The following NEDD4L variants were observed in gnomAD, a reference collection of about 807,000 sequenced individuals.
The protein encoded by NEDD4L is E3 ubiquitin-protein ligase NEDD4-like.
In NEDD4L, 54 loss-of-function variants were observed where a neutral mutation model predicts 148.9. The ratio of observed to expected loss-of-function variants is 0.36; its 90% CI spans 0.29 to 0.45. The LOEUF is 0.45. NEDD4L is among the 20% of genes least tolerant of loss of function. The pLI, the probability that NEDD4L is intolerant of heterozygous loss-of-function variation, is 1.00. For synonymous variants in NEDD4L, 433 were observed against 440.7 expected (o/e 0.98, Z 0.22); for missense variants, 856 against 1,233.8 (o/e 0.69, Z 4.59).
chr18:58,188,011 A>C (rs924083676), intron 2 of NEDD4L, among the ~76,000 whole-genome samples: 1 of 152,112 alleles, frequency 6.6e-6, no homozygotes, highest in Admixed American at 6.5e-5. Flanking sequence ...CATGGTAGGG[A>C]TGTGAGATGT....
rs74594783 is a variant in NEDD4L, at chr18:58,251,959, G to A, written c.244-42G>A. On this transcript the variant is annotated intron_variant, in intron 4 of 30. Coordinates refer to ENST00000400345, the MANE Select transcript of NEDD4L (RefSeq NM_001144967.3). ...CTGTTCCTTACGTCGCTGTTCAAAT[G>A]ATTCCTGCTCGTTTAAAAAATACTA... 3.9e-3 allele frequency: 4,440 copies of A among 1,135,286 alleles called. 21 individuals carry two copies. Among genetic ancestry groups the A allele is most frequent in the Middle Eastern group, 0.015 (80 of 5,198 alleles). 70.3% of individuals were successfully genotyped at this position (1,135,286 alleles called of 1,614,324 possible).
At chr18:58,300,952 G>A (rs1421966030) in intron 5 of NEDD4L, among the ~76,000 whole-genome samples, 1 of 152,190 alleles carries the variant, frequency 6.6e-6, no homozygotes, top group African/African-American at 2.4e-5. Context: ...TATTATTACA[G>A]CAGGGTGTAT....
chr18:58,230,306 T>C (rs1235467939), intron 2 of NEDD4L, among the ~76,000 whole-genome samples: 1 of 152,234 alleles, frequency 6.6e-6, no homozygotes, highest in Non-Finnish European at 1.5e-5. Context: ...GGATATCAAC[T>C]CTATAAGTCA....
At chr18:58,141,404 TCAAA>T (rs1387176110) in intron 1 of NEDD4L, among the ~76,000 whole-genome samples, 1 of 152,136 alleles carries the variant, frequency 6.6e-6, no homozygotes, top group African/African-American at 2.4e-5. Flanking sequence ...CAGAATAAAA[TCAAA>T]CAAAATTCCT....
At chr18:58,228,589 G>A (rs994236231) in intron 2 of NEDD4L, among the ~76,000 whole-genome samples, 3 of 152,242 alleles carry the variant, frequency 2.0e-5, no homozygotes, top group African/African-American at 7.2e-5. Context: ...TACGGAAAAG[G>A]CGAGGTTGGG....
intron 1 of NEDD4L, among the ~76,000 whole-genome samples, chr18:58,057,442 G>T (rs1350245382): frequency 2.0e-5 from 3 of 152,184 alleles, no homozygotes; most frequent in Admixed American, 6.5e-5. Flanking sequence ...GCTTTGGTCA[G>T]CCGGTCTGGC....
chr18:58,257,526 A>G (rs1415478574), intron 5 of NEDD4L, among the ~76,000 whole-genome samples: 5 of 152,142 alleles, frequency 3.3e-5, no homozygotes, highest in Non-Finnish European at 5.9e-5. Context: ...GTGGCGTGCA[A>G]TTTAACACTG....
chr18:58,056,894 CTTTTTTT>C (rs74183230), intron 1 of NEDD4L, among the ~76,000 whole-genome samples: 1 of 121,618 alleles, frequency 8.2e-6, no homozygotes, highest in African/African-American at 2.9e-5. Context: ...GCTATGCCCT[CTTTTTTT>C]TTTTTTTTTG....
intron 5 of NEDD4L, among the ~76,000 whole-genome samples, chr18:58,253,351 T>A (rs1483350005): frequency 1.3e-5 from 2 of 152,246 alleles, no homozygotes; most frequent in Admixed American, 6.5e-5. Context: ...ATGATTAGTA[T>A]TATTCTCCAA....
chr18:58,166,086 G>A (rs188392192), intron 2 of NEDD4L, among the ~76,000 whole-genome samples: 2 of 152,292 alleles, frequency 1.3e-5, no homozygotes, highest in African/African-American at 4.8e-5. Context: ...TTAACAGCCT[G>A]TTCTTCACAT....
chr18:58,119,120 T>C (rs904551678), intron 1 of NEDD4L, among the ~76,000 whole-genome samples: 1 of 152,210 alleles, frequency 6.6e-6, no homozygotes, highest in African/African-American at 2.4e-5. Context: ...TTGAAAACAC[T>C]TCACCTCTAA....
intron 30 of NEDD4L, 92 bp downstream of exon 30, chr18:58,391,651 C>G: frequency 1.2e-6 from 1 of 859,154 alleles, no homozygotes. Context: ...TGCTCTGTTT[C>G]CTGTCTGTAA....
intron 1 of NEDD4L, among the ~76,000 whole-genome samples, chr18:58,137,126 T>C (rs751676361): frequency 1.3e-4 from 20 of 152,232 alleles, no homozygotes; most frequent in Admixed American, 5.2e-4. Context: ...AGAGCACAAC[T>C]TGGCTACCAT....
chr18:58,142,342 G>A (rs1438546951), intron 1 of NEDD4L, among the ~76,000 whole-genome samples: 2 of 151,714 alleles, frequency 1.3e-5, no homozygotes, highest in South Asian at 4.2e-4. Flanking sequence ...ACCACACCGC[G>A]CCCAGCCCCA....
At chr18:58,157,845 G>A (rs898680869) in intron 1 of NEDD4L, among the ~76,000 whole-genome samples, 1 of 152,152 alleles carries the variant, frequency 6.6e-6, no homozygotes, top group African/African-American at 2.4e-5. Flanking sequence ...TCTCGACTTA[G>A]CAAAGAGATA....
rs140184700 is a variant in NEDD4L at position 58,172,603 on chromosome 18, G to A, written c.122+6742G>A. Among the ~76,000 whole-genome samples the A allele has an allele frequency of 2.2e-4, 33 of 152,326 alleles. 1 individual carries two copies. The East Asian group carries it at 6.2e-3, about 28-fold the overall frequency. On this transcript the variant is annotated intron_variant, in intron 2 of 30. Coordinates refer to ENST00000400345, the MANE Select transcript of NEDD4L (RefSeq NM_001144967.3). Reference sequence around the variant, plus strand: ...AAGGTTTAGTAAGTTGTAGAGCTAGGTATTGAACCAGGGCCTAACCTCTTA... The same window carrying A: ...AAGGTTTAGTAAGTTGTAGAGCTAGATATTGAACCAGGGCCTAACCTCTTA...
chr18:58,051,832 T>C (rs573654950), intron 1 of NEDD4L, among the ~76,000 whole-genome samples: 25 of 152,294 alleles, frequency 1.6e-4, no homozygotes, highest in African/African-American at 6.0e-4. Flanking sequence ...ATAAATAATA[T>C]AATGGTAATA....
At chr18:58,157,041 A>G (rs551567030) in intron 1 of NEDD4L, among the ~76,000 whole-genome samples, 2 of 150,428 alleles carry the variant, frequency 1.3e-5, no homozygotes, top group South Asian at 4.2e-4. Flanking sequence ...AAAAAAAAAT[A>G]GCTGGGTATG....
At chr18:58,125,107 C>A (rs1229832621) in intron 1 of NEDD4L, among the ~76,000 whole-genome samples, 1 of 152,130 alleles carries the variant, frequency 6.6e-6, no homozygotes, top group African/African-American at 2.4e-5. Flanking sequence ...ATGATGTTGC[C>A]AAAGCTGGTC....
Sources: allele counts gnomAD v4.1 joint callset (sites outside exome capture counted in the v4.1 genomes callset), GRCh38; gene constraint gnomAD v4.1.1; transcripts MANE v1.5; gene names NCBI Gene and HGNC (gene_info 2026-07-23, HGNC 2026-07-21).